The following LYPLAL1 variants were observed in gnomAD, a reference collection of about 807,000 sequenced individuals.
The protein encoded by LYPLAL1 is lysophospholipase-like protein 1.
Under a neutral mutation model 19.7 loss-of-function variants are expected in LYPLAL1, and 23 were observed. The ratio of observed to expected loss-of-function variants is 1.17; its 90% CI spans 0.84 to 1.65. LYPLAL1 has a LOEUF of 1.65. Among genes scored for constraint, LYPLAL1 ranks in the 40% most tolerant of loss-of-function variants. The pLI is 0.00. For missense variants in LYPLAL1, 355 were observed against 279.4 expected, an observed-to-expected ratio of 1.27 and a Z score of -1.93; for synonymous variants, 119 against 96.3, an observed-to-expected ratio of 1.24 and a Z score of -1.38.
the LYPLAL1 span, among the ~76,000 whole-genome samples, chr1:219,288,122 C>T: frequency 6.6e-6 from 1 of 152,092 alleles, no homozygotes; most frequent in East Asian, 1.9e-4. Context: ...TTGGTATTTA[C>T]CCAAAGAAGT....
chr1:219,361,266 A>AAG, the LYPLAL1 span, among the ~76,000 whole-genome samples: 2 of 152,194 alleles, frequency 1.3e-5, no homozygotes, highest in East Asian at 3.8e-4. Flanking sequence ...AAGGACTGTA[A>AAG]AGATTTGAGC....
chr1:219,300,312 C>A, the LYPLAL1 span, among the ~76,000 whole-genome samples: 4 of 151,866 alleles, frequency 2.6e-5, no homozygotes, highest in Non-Finnish European at 5.9e-5. Context: ...CAAATACAAT[C>A]ATAAGGAAAA....
At chr1:219,312,354 C>T in the LYPLAL1 span, among the ~76,000 whole-genome samples, 9 of 152,194 alleles carry the variant, frequency 5.9e-5, no homozygotes, top group Admixed American at 4.6e-4. Flanking sequence ...AGATCAAGCA[C>T]ACCCTTTGTC....
At chr1:219,371,986 T>C in the LYPLAL1 span, among the ~76,000 whole-genome samples, 1 of 152,214 alleles carries the variant, frequency 6.6e-6, no homozygotes, top group East Asian at 1.9e-4. Context: ...TCCCTTCAAG[T>C]ACCTTCTAGC....
chr1:219,346,442 C>A, the LYPLAL1 span, among the ~76,000 whole-genome samples: 1 of 147,474 alleles, frequency 6.8e-6, no homozygotes, highest in Admixed American at 6.9e-5. Context: ...ACTTTTAAGA[C>A]CAGGAGGGTC....
chr1:219,325,354 G>C, the LYPLAL1 span, among the ~76,000 whole-genome samples: 6 of 152,050 alleles, frequency 3.9e-5, no homozygotes, highest in Admixed American at 6.6e-5. Flanking sequence ...ACATTGTTAA[G>C]TCGTAGCTCC....
At chr1:219,418,120 C>T in the LYPLAL1 span, among the ~76,000 whole-genome samples, 2 of 152,104 alleles carry the variant, frequency 1.3e-5, no homozygotes, top group African/African-American at 4.8e-5. Flanking sequence ...CCTGGTTTAC[C>T]TATTTGGAAT....
the LYPLAL1 span, among the ~76,000 whole-genome samples, chr1:219,419,580 C>CAGAGAGAG: frequency 2.1e-4 from 25 of 120,224 alleles, no homozygotes; most frequent in African/African-American, 7.9e-4. Flanking sequence ...CACACACACA[C>CAGAGAGAG]ACACACACAC....
the LYPLAL1 span, among the ~76,000 whole-genome samples, chr1:219,365,371 T>TA: frequency 6.6e-6 from 1 of 152,196 alleles, no homozygotes; most frequent in Non-Finnish European, 1.5e-5. Context: ...TCCTCCATGC[T>TA]AATTTATTTT....
chr1:219,197,004 A>G (rs980483012), intron 3 of LYPLAL1, among the ~76,000 whole-genome samples: 5 of 152,184 alleles, frequency 3.3e-5, no homozygotes, highest in African/African-American at 4.8e-5. Flanking sequence ...AAATGGAGAA[A>G]CATTCTATGC....
At chr1:219,289,811 A>G in the LYPLAL1 span, among the ~76,000 whole-genome samples, 11 of 152,340 alleles carry the variant, frequency 7.2e-5, no homozygotes, top group South Asian at 4.1e-4. Context: ...AAATATTTCA[A>G]AGATGACATA....
chr1:219,192,039 G>A (rs1048881115), intron 2 of LYPLAL1, among the ~76,000 whole-genome samples: 9 of 151,304 alleles, frequency 5.9e-5, no homozygotes, highest in Admixed American at 2.6e-4. Context: ...TTTATTTTGG[G>A]GTGGTATGAT....
intron 4 of LYPLAL1, 132 bp downstream of exon 4, chr1:219,210,779 G>C: frequency 2.7e-6 from 2 of 752,724 alleles, no homozygotes; most frequent in Non-Finnish European, 4.0e-6. Flanking sequence ...GACCATTCCT[G>C]GAATTCATGG....
chr1:219,285,937 C>T, the LYPLAL1 span, among the ~76,000 whole-genome samples: 1 of 152,146 alleles, frequency 6.6e-6, no homozygotes, highest in African/African-American at 2.4e-5. Context: ...CACACACAAA[C>T]ACATTACTCA....
the LYPLAL1 span, among the ~76,000 whole-genome samples, chr1:219,287,016 G>T: frequency 6.6e-6 from 1 of 152,282 alleles, no homozygotes; most frequent in East Asian, 1.9e-4. Context: ...CAGTTGAATG[G>T]CAGGATGGAG....
At chr1:219,384,541 A>C in the LYPLAL1 span, among the ~76,000 whole-genome samples, 1 of 152,200 alleles carries the variant, frequency 6.6e-6, no homozygotes, top group South Asian at 2.1e-4. Context: ...AGGTAATGTC[A>C]ATTGATTGAA....
At chr1:219,208,257 C>T (rs1454653639) in intron 3 of LYPLAL1, among the ~76,000 whole-genome samples, 2 of 151,858 alleles carry the variant, frequency 1.3e-5, no homozygotes, top group Non-Finnish European at 2.9e-5. Context: ...TAAAAGTTCT[C>T]GCAATTTTAG....
At chr1:219,431,845 A>G in the LYPLAL1 span, among the ~76,000 whole-genome samples, 1 of 152,224 alleles carries the variant, frequency 6.6e-6, no homozygotes, top group African/African-American at 2.4e-5. Flanking sequence ...TCCTTGCTCC[A>G]GCAGTTGCCA....
At chr1:219,357,842 AC>A in the LYPLAL1 span, among the ~76,000 whole-genome samples, 2 of 152,214 alleles carry the variant, frequency 1.3e-5, no homozygotes, top group African/African-American at 4.8e-5. Flanking sequence ...ACAATGGAAT[AC>A]TATTCAGCAA....
Sources: allele counts gnomAD v4.1 joint callset (sites outside exome capture counted in the v4.1 genomes callset), GRCh38; gene constraint gnomAD v4.1.1; transcripts MANE v1.5; gene names NCBI Gene and HGNC (gene_info 2026-07-23, HGNC 2026-07-21).